SKIC3: variants seen among roughly 807,000 people sequenced by gnomAD.
SKIC3 encodes superkiller complex protein 3.
the SKIC3 span, chr5:95,484,878 C>T: frequency 6.2e-7 from 1 of 1,609,250 alleles, no homozygotes; most frequent in Non-Finnish European, 8.5e-7. Flanking sequence ...TTACTTTCTT[C>T]TGCAATTTAT....
At chr5:95,506,677 A>ACAGT in the SKIC3 span, among the ~76,000 whole-genome samples, 1 of 152,206 alleles carries the variant, frequency 6.6e-6, no homozygotes, top group Non-Finnish European at 1.5e-5. Flanking sequence ...ACTGTTAGAG[A>ACAGT]CAGTCACTAC....
the SKIC3 span, among the ~76,000 whole-genome samples, chr5:95,552,908 G>A: frequency 6.6e-6 from 1 of 152,082 alleles, no homozygotes; most frequent in Non-Finnish European, 1.5e-5. Context: ...TGTTGAAAGG[G>A]AGAGATTATC....
chr5:95,550,859 T>G, the SKIC3 span: 4 of 152,074 alleles, frequency 2.6e-5, no homozygotes, highest in African/African-American at 9.7e-5. Flanking sequence ...TAAACTATAT[T>G]CCTGGGCCTC....
the SKIC3 span, among the ~76,000 whole-genome samples, chr5:95,489,516 C>A: frequency 1.5e-5 from 2 of 132,120 alleles, no homozygotes. Flanking sequence ...AAAGGGCAAC[C>A]AGTTAAAAAA....
At chr5:95,505,869 A>C in the SKIC3 span, among the ~76,000 whole-genome samples, 9 of 152,192 alleles carry the variant, frequency 5.9e-5, no homozygotes, top group Admixed American at 5.2e-4. Flanking sequence ...ATTTTAAGAT[A>C]TAATTTGATT....
chr5:95,477,791 G>T, the SKIC3 span, among the ~76,000 whole-genome samples: 1 of 152,080 alleles, frequency 6.6e-6, no homozygotes, highest in African/African-American at 2.4e-5. Flanking sequence ...TCTGCAGTTT[G>T]CCCTCACTCC....
the SKIC3 span, chr5:95,522,111 C>T: frequency 6.2e-7 from 1 of 1,613,772 alleles, no homozygotes; most frequent in South Asian, 1.1e-5. Context: ...TATTGAGCTA[C>T]AGCCTCCTTA....
chr5:95,490,969 G>A, the SKIC3 span: 1 of 1,614,108 alleles, frequency 6.2e-7, no homozygotes, highest in Non-Finnish European at 8.5e-7. Context: ...GCTGAGTGTT[G>A]TTCACTAAGG....
At chr5:95,543,309 T>C in the SKIC3 span, 2 of 1,613,924 alleles carry the variant, frequency 1.2e-6, no homozygotes, top group East Asian at 2.2e-5. Flanking sequence ...TAGTTATTTT[T>C]CTCTTGCTTT....
At chr5:95,487,476 G>T in the SKIC3 span, among the ~76,000 whole-genome samples, 1 of 152,128 alleles carries the variant, frequency 6.6e-6, no homozygotes. Flanking sequence ...GCCAACTGCT[G>T]CCACCACTAG....
chr5:95,529,879 C>T, the SKIC3 span, among the ~76,000 whole-genome samples: 9 of 149,516 alleles, frequency 6.0e-5, no homozygotes, highest in African/African-American at 2.2e-4. Flanking sequence ...AATGAAAACA[C>T]TGACACACAG....
the SKIC3 span, chr5:95,540,965 T>C: frequency 3.4e-4 from 302 of 891,182 alleles, 1 homozygote; most frequent in African/African-American, 2.7e-3. Flanking sequence ...CCATCTATTT[T>C]ATTTTATTTT....
At chr5:95,536,885 C>G in the SKIC3 span, 1 of 1,613,668 alleles carries the variant, frequency 6.2e-7, no homozygotes, top group South Asian at 1.1e-5. Flanking sequence ...GTTTATCATT[C>G]CTTCACAGGC....
chr5:95,469,981 C>G, the SKIC3 span: 1 of 1,275,700 alleles, frequency 7.8e-7, no homozygotes, highest in South Asian at 1.4e-5. Flanking sequence ...CAATTCAATT[C>G]TTTTTTTTTT....
the SKIC3 span, among the ~76,000 whole-genome samples, chr5:95,544,245 C>G: frequency 6.6e-6 from 1 of 152,118 alleles, no homozygotes; most frequent in African/African-American, 2.4e-5. Context: ...AGCACCTGCT[C>G]CAAGATTTAA....
the SKIC3 span, among the ~76,000 whole-genome samples, chr5:95,511,467 G>A: frequency 6.6e-6 from 1 of 152,084 alleles, no homozygotes; most frequent in Non-Finnish European, 1.5e-5. Flanking sequence ...GCCTTCACAT[G>A]CCACACCCAC....
the SKIC3 span, among the ~76,000 whole-genome samples, chr5:95,467,630 T>C: frequency 1.3e-5 from 2 of 152,184 alleles, no homozygotes; most frequent in South Asian, 4.1e-4. Context: ...CATGGTAAGA[T>C]ACAAACTGTA....
chr5:95,546,304 C>G, the SKIC3 span, among the ~76,000 whole-genome samples: 1 of 146,758 alleles, frequency 6.8e-6, no homozygotes, highest in Non-Finnish European at 1.5e-5. Context: ...CTAATCTTTC[C>G]AATCCTTACT....
At chr5:95,543,520 G>C in the SKIC3 span, among the ~76,000 whole-genome samples, 280 of 152,216 alleles carry the variant, frequency 1.8e-3, 1 homozygote, top group African/African-American at 6.6e-3. Flanking sequence ...GACCATAATG[G>C]CTTTGAAATA....
Sources: gnomAD v4.1 joint callset for allele counts (sites outside exome capture counted in the v4.1 genomes callset) on GRCh38, gnomAD v4.1.1 for gene constraint, MANE v1.5 for transcripts, NCBI Gene and HGNC (gene_info 2026-07-23, HGNC 2026-07-21) for gene names.